DOCK3: variants seen among roughly 807,000 people sequenced by gnomAD.
The protein encoded by DOCK3 is dedicator of cytokinesis 3.
DOCK3 carries 60 observed loss-of-function variants against 265.6 expected under a neutral mutation model. The ratio of observed to expected loss-of-function variants is 0.23; its 90% CI spans 0.18 to 0.28. DOCK3 has a LOEUF of 0.28. DOCK3 is among the 10% of genes least tolerant of loss of function. The pLI is 1.00. For missense variants in DOCK3, 1,981 were observed against 2,594.3 expected, an observed-to-expected ratio of 0.76 and a Z score of 5.14; for synonymous variants, 881 against 938.0, an observed-to-expected ratio of 0.94 and a Z score of 1.11.
chr3:50,688,056 G>A (rs537060746), intron 1 of DOCK3, among the ~76,000 whole-genome samples: 29 of 152,234 alleles, frequency 1.9e-4, no homozygotes, highest in African/African-American at 6.5e-4. Flanking sequence ...AGTACTAGCC[G>A]AAAGAGGAAC....
intron 23 of DOCK3, among the ~76,000 whole-genome samples, chr3:51,266,963 A>G (rs998480422): frequency 6.6e-6 from 1 of 152,224 alleles, no homozygotes; most frequent in African/African-American, 2.4e-5. Flanking sequence ...TCTACAAAGA[A>G]CTTAAACAAA....
Position 51,177,989 on chromosome 3 carries a change from C to CA in DOCK3, c.1037+17294dup, listed in dbSNP as rs368934520. Among the ~76,000 whole-genome samples, 383 of 82,878 alleles carry CA rather than the reference C, an allele frequency of 4.6e-3. 3 individuals carry two copies. The highest frequency in any genetic ancestry group is 0.016 in the African/African-American group (367 of 23,120). The allele number at this position is 82,878 out of a possible 152,430, so 54.4% of individuals were successfully genotyped here. On this transcript the variant is annotated intron_variant, in intron 12 of 52. Coordinates refer to ENST00000266037, the MANE Select transcript of DOCK3 (RefSeq NM_004947.5). ...TGAATGACAGAGAGAGACTCCATCT[C>CA]AAAAAAACAAAAAACAAACAAAAAA...
chr3:51,037,568 CTTTACAG>C (rs922918932), intron 5 of DOCK3, among the ~76,000 whole-genome samples: 5 of 152,150 alleles, frequency 3.3e-5, no homozygotes, highest in Admixed American at 1.3e-4. Context: ...CCTTCATGGA[CTTTACAG>C]TTTACTGATA....
chr3:50,971,715 G>A (rs1006311225), intron 5 of DOCK3, among the ~76,000 whole-genome samples: 2 of 152,206 alleles, frequency 1.3e-5, no homozygotes, highest in Non-Finnish European at 2.9e-5. Flanking sequence ...TTTACCAGAA[G>A]CAGCTCTCTG....
rs1553618696 is a variant in DOCK3 at position 51,381,478 on chromosome 3, C to G, written c.6012C>G (p.His2004Gln). The change falls in exon 53 of 53, where the codon CAC (histidine) becomes CAG (glutamine). Residue 2004 changes from histidine to glutamine, a missense_variant. Transcript: ENST00000266037. The surrounding 1 kb of genome is among the most constrained non-coding windows in gnomAD (Gnocchi z 5.6). ...REETERPRGLHRKAPLPPGSA... is the reference protein window; with the variant it reads ...REETERPRGLQRKAPLPPGSA... ...AGACTGAGAGGCCTCGAGGCCTGCA[C>G]CGCAAGGCTCCATTGCCTCCTGGGA... 2 of 1,590,224 alleles carry G rather than the reference C, an allele frequency of 1.3e-6. No individual in the cohort carries two copies. Among genetic ancestry groups the G allele is most frequent in the South Asian group, 1.1e-5 (1 of 88,540 alleles).
chr3:51,008,056 G>A (rs1258905571), intron 5 of DOCK3, among the ~76,000 whole-genome samples: 1 of 152,134 alleles, frequency 6.6e-6, no homozygotes, highest in Non-Finnish European at 1.5e-5. Flanking sequence ...CAGGTAGCAT[G>A]ATGCCTCCAG....
At chr3:50,835,047 G>A (rs1251985530) in intron 2 of DOCK3, among the ~76,000 whole-genome samples, 1 of 152,102 alleles carries the variant, frequency 6.6e-6, no homozygotes, top group Non-Finnish European at 1.5e-5. Context: ...TGTTACAGAA[G>A]GCAGATTAGT....
intron 3 of DOCK3, among the ~76,000 whole-genome samples, chr3:50,888,705 C>T (rs367723330): frequency 0.017 from 2,512 of 152,108 alleles, 33 homozygotes; most frequent in Middle Eastern, 0.058. Flanking sequence ...GAAATAACTC[C>T]GCATATCTAC....
rs746521255 is a variant in DOCK3 at position 51,229,640 on chromosome 3, C to A, written c.1917+31C>A. The A allele has an allele frequency of 2.6e-6, 4 of 1,514,864 alleles. No homozygotes were observed. The Admixed American group carries it at 7.9e-5, about 30-fold the overall frequency. 93.8% of individuals were successfully genotyped at this position (1,514,864 alleles called of 1,614,324 possible). ...TCTTCCATATAATTTAAACATACTGCATGAGGAAGAATCTGGGCAGAAGAC... is the reference window on the plus strand; with the variant it reads ...TCTTCCATATAATTTAAACATACTGAATGAGGAAGAATCTGGGCAGAAGAC... On this transcript the variant is annotated intron_variant, in intron 19 of 52. Transcript: ENST00000266037.
chr3:51,049,264 T>C (rs4574329), intron 5 of DOCK3, among the ~76,000 whole-genome samples: 137,020 of 152,006 alleles, frequency 0.9, 61,949 homozygotes, highest in African/African-American at 0.95. Context: ...AGGTGGCGAT[T>C]GCAGTGAGCT....
At chr3:51,171,715 CAAA>C (rs779355875) in intron 12 of DOCK3, among the ~76,000 whole-genome samples, 13 of 83,382 alleles carry the variant, frequency 1.6e-4, no homozygotes, top group Admixed American at 1.3e-4. Context: ...GACTCCATCT[CAAA>C]AAAAAAAAAA....
intron 5 of DOCK3, among the ~76,000 whole-genome samples, chr3:51,043,994 C>G (rs62257855): frequency 6.6e-6 from 1 of 152,098 alleles, no homozygotes; most frequent in Admixed American, 6.6e-5. Flanking sequence ...TAAGTTAATT[C>G]AGCTACTATG....
chr3:50,862,575 G>T (rs2046966993), intron 3 of DOCK3, among the ~76,000 whole-genome samples: 1 of 152,210 alleles, frequency 6.6e-6, no homozygotes, highest in African/African-American at 2.4e-5. Flanking sequence ...TGGGAATGCA[G>T]TCTGCTTCCC....
At chr3:50,797,031 T>C (rs986912466) in intron 2 of DOCK3, among the ~76,000 whole-genome samples, 2 of 151,968 alleles carry the variant, frequency 1.3e-5, no homozygotes, top group African/African-American at 4.8e-5. Flanking sequence ...TTGGAGTGCA[T>C]TTTGTAGTGT....
chr3:51,247,599 A>C (rs2108579713), intron 22 of DOCK3, among the ~76,000 whole-genome samples: 1 of 152,338 alleles, frequency 6.6e-6, no homozygotes, highest in African/African-American at 2.4e-5. Flanking sequence ...ATGTTTTCTC[A>C]AGCATTATCA....
rs778493828 is a variant in DOCK3, at chr3:51,356,110, C to T, written c.4271C>T (p.Thr1424Met). ...CCAGACTTGCAGATCTATGCAGTGA[C>T]GCCCATTCCAGATTATGTGGATGTT... Reference protein sequence around the residue: ...DAQYLQIYAVTPIPDYVDVLQ... With the variant: ...DAQYLQIYAVMPIPDYVDVLQ... Residue 1424 changes from threonine to methionine, a missense_variant, in exon 42 of 53, where the codon ACG (threonine) becomes ATG (methionine). Transcript: ENST00000266037. 1.9e-6 allele frequency: 3 copies of T among 1,613,842 alleles called. No individual in the cohort carries two copies. Among genetic ancestry groups the T allele is most frequent in the Admixed American group, 1.7e-5 (1 of 60,006 alleles).
intron 21 of DOCK3, among the ~76,000 whole-genome samples, chr3:51,243,282 C>A (rs1234699995): frequency 6.6e-6 from 1 of 152,204 alleles, no homozygotes; most frequent in Non-Finnish European, 1.5e-5. Context: ...CTTCTCTAAG[C>A]AGCTCTCCCT....
At chr3:51,153,007 G>T (rs1030263361) in intron 10 of DOCK3, among the ~76,000 whole-genome samples, 2 of 152,222 alleles carry the variant, frequency 1.3e-5, no homozygotes, top group African/African-American at 4.8e-5. Context: ...CAAACACTGT[G>T]CAGGGAGAAC....
intron 1 of DOCK3, among the ~76,000 whole-genome samples, chr3:50,759,267 AT>A (rs2040383018): frequency 6.6e-6 from 1 of 151,988 alleles, no homozygotes; most frequent in Non-Finnish European, 1.5e-5. Context: ...ATTCTGTTTA[AT>A]TTTTTTAGGA....
Sources: gnomAD v4.1 joint callset for allele counts (sites outside exome capture counted in the v4.1 genomes callset) on GRCh38, gnomAD v4.1.1 for gene constraint, Gnocchi (gnomAD v3.1) non-coding constraint, MANE v1.5 for transcripts, NCBI Gene and HGNC (gene_info 2026-07-23, HGNC 2026-07-21) for gene names.